Variants in CSMD3 observed in about 807,000 individuals in gnomAD.
The protein encoded by CSMD3 is CUB and sushi domain-containing protein 3.
CSMD3 carries 177 observed loss-of-function variants against 435.2 expected under a neutral mutation model. The observed-to-expected ratio is 0.41, with a 90% confidence interval of 0.36 to 0.46. CSMD3 has a LOEUF of 0.46. Ranked by LOEUF, CSMD3 falls within the 20% of genes least tolerant of loss-of-function variation. CSMD3 has a pLI of 0.34. For missense variants in CSMD3, 4,265 were observed against 4,504.6 expected (o/e 0.95, Z 1.52); for synonymous variants, 1,656 against 1,520.5 (o/e 1.09, Z -2.07).
At chr8:112,667,030 T>C (rs1753548017) in intron 16 of CSMD3, among the ~76,000 whole-genome samples, 1 of 152,206 alleles carries the variant, frequency 6.6e-6, no homozygotes, top group South Asian at 2.1e-4. Flanking sequence ...TTAAATATTC[T>C]GTTTATCATT....
chr8:112,459,088 C>A (rs936332787), intron 32 of CSMD3, among the ~76,000 whole-genome samples: 4 of 152,052 alleles, frequency 2.6e-5, no homozygotes, highest in Non-Finnish European at 5.9e-5. Context: ...ACCACTCTCT[C>A]CCTGCCACAA....
At position 112,329,022 on chromosome 8, in the gene CSMD3, C is replaced by A. The variant is rs563352670; in HGVS notation, c.7165+6307G>T. ...TAACAGAAACTATTGTGAAACAAAA[C>A]TACTGGGATATCTGCTGCATTATTG... On this transcript the variant is annotated intron_variant, in intron 45 of 70. Coordinates refer to ENST00000297405, the MANE Select transcript of CSMD3 (RefSeq NM_198123.2). Among the ~76,000 whole-genome samples, 9 of 152,292 alleles carry A rather than the reference C, an allele frequency of 5.9e-5. No homozygotes were observed. The East Asian group carries it at 1.7e-3, about 29-fold the overall frequency.
chr8:113,224,925 C>T (rs895709397), intron 3 of CSMD3, among the ~76,000 whole-genome samples: 1 of 151,170 alleles, frequency 6.6e-6, no homozygotes, highest in Non-Finnish European at 1.5e-5. Context: ...CATCTGTGTG[C>T]AATTACTAAA....
intron 28 of CSMD3, among the ~76,000 whole-genome samples, chr8:112,507,588 C>A (rs1822668525): frequency 6.6e-6 from 1 of 152,162 alleles, no homozygotes; most frequent in African/African-American, 2.4e-5. Context: ...ATAATCAGTA[C>A]ATCGGCATTC....
intron 1 of CSMD3, among the ~76,000 whole-genome samples, chr8:113,386,635 A>G (rs2094440423): frequency 6.6e-6 from 1 of 151,806 alleles, no homozygotes; most frequent in Non-Finnish European, 1.5e-5. Flanking sequence ...CTGATATTTT[A>G]ACCCCCAAAG....
At chr8:112,865,270 T>C (rs1302005332) in intron 10 of CSMD3, among the ~76,000 whole-genome samples, 1 of 152,168 alleles carries the variant, frequency 6.6e-6, no homozygotes, top group Non-Finnish European at 1.5e-5. Context: ...GGCTGACATT[T>C]TATTTTTTGG....
At chr8:112,441,335 T>C (rs1403981984) in intron 32 of CSMD3, among the ~76,000 whole-genome samples, 2 of 152,050 alleles carry the variant, frequency 1.3e-5, no homozygotes, top group Admixed American at 6.6e-5. Flanking sequence ...TGGTCAAAGC[T>C]ACAAGTCTCT....
Position 112,383,625 on chromosome 8 carries a change from A to G in CSMD3, c.5973T>C (p.Asp1991=). 1 of 1,609,692 alleles carries G rather than the reference A, an allele frequency of 6.2e-7. No individual in the cohort carries two copies. Among genetic ancestry groups the G allele is most frequent in the Admixed American group, 1.7e-5 (1 of 60,012 alleles). The change falls in exon 37 of 71, where the codon GAT becomes GAC. Residue 1991 remains aspartate, a synonymous_variant. Coordinates refer to ENST00000297405, the MANE Select transcript of CSMD3 (RefSeq NM_198123.2). ...VVSFATEHNW[D]SLDFYDGGDN... ...CTCCCCCATCATAAAAGTCCAGAGA[A>G]TCCCAATTATGTTCTGTAGCAAAGC... is the stretch of plus-strand genomic sequence containing the variant.
In CSMD3 at chr8:112,765,160, G is replaced by T. The variant is rs188886302; in HGVS notation, c.1972+35002C>A. ...TAAAAGTAAAAAGGAGAAGGAACAG[G>T]TCAGAATTATATTTCAGATTTTATT... On this transcript the variant is annotated intron_variant, in intron 13 of 70. Coordinates refer to ENST00000297405, the MANE Select transcript of CSMD3 (RefSeq NM_198123.2). 1.8e-4 allele frequency among the ~76,000 whole-genome samples: 28 copies of T among 151,676 alleles called. No homozygotes were observed. In the East Asian group the frequency reaches 5.4e-3, roughly 29 times the overall value.
chr8:112,846,283 TTCTC>T (rs758394405), intron 11 of CSMD3, among the ~76,000 whole-genome samples: 10 of 150,866 alleles, frequency 6.6e-5, no homozygotes, highest in South Asian at 4.2e-4. Context: ...CTTTCTTTCC[TTCTC>T]TCTCTCTCTT....
At chr8:112,506,164 A>G (rs924604873) in intron 29 of CSMD3, among the ~76,000 whole-genome samples, 2 of 152,122 alleles carry the variant, frequency 1.3e-5, no homozygotes, top group African/African-American at 4.8e-5. Flanking sequence ...ATAAAATTTT[A>G]TTTATTTACA....
At chr8:112,974,941 A>C (rs1424939890) in intron 7 of CSMD3, among the ~76,000 whole-genome samples, 2 of 151,896 alleles carry the variant, frequency 1.3e-5, no homozygotes, top group African/African-American at 4.8e-5. Context: ...ATATCTTGGA[A>C]ATGTAGTAGA....
chr8:113,031,096 A>G (rs2087090024), intron 5 of CSMD3, among the ~76,000 whole-genome samples: 1 of 151,692 alleles, frequency 6.6e-6, no homozygotes, highest in Admixed American at 6.6e-5. Context: ...TCTTTTATAA[A>G]ACTAAAATTG....
At chr8:112,670,423 G>A (rs2075629733) in intron 16 of CSMD3, among the ~76,000 whole-genome samples, 1 of 152,138 alleles carries the variant, frequency 6.6e-6, no homozygotes, top group African/African-American at 2.4e-5. Context: ...TATAGACAAA[G>A]GATAAGATTT....
chr8:112,488,067 T>G (rs1820313621), intron 31 of CSMD3, among the ~76,000 whole-genome samples: 1 of 152,182 alleles, frequency 6.6e-6, no homozygotes, highest in Non-Finnish European at 1.5e-5. Flanking sequence ...TCAGCTAAAC[T>G]GCAAAGTTTC....
chr8:112,429,101 C>T (rs907838768), intron 32 of CSMD3, among the ~76,000 whole-genome samples: 1 of 152,068 alleles, frequency 6.6e-6, no homozygotes, highest in African/African-American at 2.4e-5. Flanking sequence ...ATATCTTTAA[C>T]TATAGTCACC....
intron 3 of CSMD3, among the ~76,000 whole-genome samples, chr8:113,271,956 C>G (rs531532376): frequency 2.3e-4 from 35 of 152,232 alleles, no homozygotes; most frequent in Non-Finnish European, 4.0e-4. Flanking sequence ...TGGAGTCAAA[C>G]GAGATCATTT....
In CSMD3 at chr8:112,947,860, T is replaced by G. The variant is rs2083669686; in HGVS notation, c.1438A>C (p.Lys480Gln). 6.7e-7 allele frequency: 1 copy of G among 1,496,452 alleles called. No individual in the cohort carries two copies. The allele number at this position is 1,496,452 out of a possible 1,614,324, so 92.7% of individuals were successfully genotyped here. A position where few individuals can be genotyped will look rare whatever the true frequency, so the allele number is the denominator to read the frequency against. The change falls in exon 9 of 71, where the codon AAA becomes CAA. Residue 480 changes from lysine (K) to glutamine (Q), a missense_variant. Coordinates refer to ENST00000297405, the MANE Select transcript of CSMD3 (RefSeq NM_198123.2). ...KFSILNEGGI[K>Q]TASNLCPDPG... ...TCTGGGCATAAATTGGAAGCTGTTTTAATACCTCCCTCATTTACTGCAACA... is the reference window on the plus strand; with the variant it reads ...TCTGGGCATAAATTGGAAGCTGTTTGAATACCTCCCTCATTTACTGCAACA...
rs539075650 is a variant in CSMD3, at chr8:112,443,179, C to T, written c.5395+29412G>A. Among the ~76,000 whole-genome samples the T allele has an allele frequency of 2.0e-4, 30 of 152,258 alleles. 1 individual carries two copies. The highest frequency in any genetic ancestry group is 6.0e-4 in the African/African-American group (25 of 41,556). ...TTAAGACACTAGTGTTAAGTGAATGCTGTTCTTCCCTCACTAAATGCCAAG... is the reference window on the plus strand; with the variant it reads ...TTAAGACACTAGTGTTAAGTGAATGTTGTTCTTCCCTCACTAAATGCCAAG... On this transcript the variant is annotated intron_variant, in intron 32 of 70. Transcript: ENST00000297405.
Sources: allele counts gnomAD v4.1 joint callset (sites outside exome capture counted in the v4.1 genomes callset), GRCh38; gene constraint gnomAD v4.1.1; transcripts MANE v1.5; gene names NCBI Gene and HGNC (gene_info 2026-07-23, HGNC 2026-07-21).